MTMR7: variants seen among roughly 807,000 people sequenced by gnomAD.
The protein encoded by MTMR7 is myotubularin related protein 7, also known as phosphatidylinositol-3-phosphate phosphatase MTMR7.
MTMR7 carries 76 observed loss-of-function variants against 81.2 expected under a neutral mutation model. The ratio of observed to expected loss-of-function variants is 0.94; its 90% confidence interval spans 0.78 to 1.13. The LOEUF (loss-of-function observed/expected upper bound fraction) is 1.13, where lower values mean the gene tolerates loss of function less well. Ranked by LOEUF, MTMR7 falls within the 50% of genes most tolerant of loss-of-function variation. The pLI, the probability that MTMR7 is intolerant of heterozygous loss-of-function variation, is 0.00. For missense variants in MTMR7, 1,044 were observed against 820.0 expected, an observed-to-expected ratio of 1.27 and a Z score of -3.34; for synonymous variants, 372 against 289.8, an observed-to-expected ratio of 1.28 and a Z score of -2.88.
rs141754196 is a variant in MTMR7, at chr8:17,394,014, C to T, written c.24+19255G>A. On this transcript the variant is annotated intron_variant, in intron 1 of 13. Transcript: ENST00000180173. ...AACTACCACAAGATACCGCTTCACA[C>T]CCATTAGGATAGCTATAATCAAGAG... Among the ~76,000 whole-genome samples, 28 of 152,302 alleles carry T rather than the reference C, an allele frequency of 1.8e-4. No homozygotes were observed. In the East Asian group the frequency reaches 5.4e-3, roughly 29 times the overall value.
In MTMR7 at chr8:17,313,369, A is replaced by G. The variant is rs1817895274; in HGVS notation, c.898T>C (p.Phe300Leu). The G allele has an allele frequency of 6.2e-7, 1 of 1,612,610 alleles. No homozygotes were observed. The highest frequency in any genetic ancestry group is 1.3e-5 in the African/African-American group (1 of 74,912). ...CELKSPSMSDFLWGLENSGWL... is the reference protein window; with the variant it reads ...CELKSPSMSDLLWGLENSGWL... ...CCAGAGTTCTCCAGACCCCACAGGA[A>G]ATCACTCATGGAGGGAGATTTAAGT... Residue 300 changes from phenylalanine to leucine, a missense_variant, in exon 8 of 14, where the codon TTC becomes CTC. Physicochemically the swap from Phe to Leu is conservative, Grantham distance 22. Coordinates refer to ENST00000180173, the MANE Select transcript of MTMR7 (RefSeq NM_004686.5).
rs76721842 is a variant in MTMR7, at chr8:17,327,853, A to G, written c.865+3297T>C. ...AATTTACATGTTTATCTACATGTTT[A>G]TTTCAACTTACTGTTTACTCTTTTA... On this transcript the variant is annotated intron_variant, in intron 7 of 13. Coordinates refer to ENST00000180173, the MANE Select transcript of MTMR7 (RefSeq NM_004686.5). Among the ~76,000 whole-genome samples, 747 of 152,286 alleles carry G rather than the reference A, an allele frequency of 4.9e-3. 8 individuals are homozygous for G. The highest frequency in any genetic ancestry group is 0.017 in the African/African-American group (699 of 41,550).
chr8:17,336,091 G>C (rs1252411690), intron 6 of MTMR7, among the ~76,000 whole-genome samples: 1 of 152,136 alleles, frequency 6.6e-6, no homozygotes, highest in Non-Finnish European at 1.5e-5. Context: ...TTCCCTCTCT[G>C]GCATAGCGTC....
intron 1 of MTMR7, among the ~76,000 whole-genome samples, chr8:17,405,882 C>G (rs553552145): frequency 7.4e-6 from 1 of 135,948 alleles, no homozygotes; most frequent in Non-Finnish European, 1.6e-5. Flanking sequence ...ACACACACCA[C>G]AGAGAAAATG....
chr8:17,313,513 C>T (rs1338724870), intron 7 of MTMR7, 112 bp from the exon 8 acceptor site: 1 of 644,964 alleles, frequency 1.6e-6, no homozygotes, highest in East Asian at 2.8e-5. Context: ...TAGGTATTTT[C>T]TGGAAGCAAG....
intron 4 of MTMR7, among the ~76,000 whole-genome samples, chr8:17,359,392 A>G (rs1819994295): frequency 1.3e-5 from 2 of 152,060 alleles, no homozygotes; most frequent in African/African-American, 4.8e-5. Context: ...GAGCCCAGGA[A>G]TTCGAGACCA....
chr8:17,374,601 C>A (rs1177968937), intron 1 of MTMR7, among the ~76,000 whole-genome samples: 2 of 151,666 alleles, frequency 1.3e-5, no homozygotes, highest in Non-Finnish European at 2.9e-5. Context: ...AGCCTGGCGA[C>A]AGAGTGAGAC....
intron 6 of MTMR7, among the ~76,000 whole-genome samples, chr8:17,335,009 G>C (rs1819184740): frequency 6.6e-6 from 1 of 152,204 alleles, no homozygotes; most frequent in Non-Finnish European, 1.5e-5. Context: ...AGAAAGCACT[G>C]AGGGTCCACT....
At chr8:17,320,166 TTTTTAC>T in intron 7 of MTMR7, among the ~76,000 whole-genome samples, 1 of 152,056 alleles carries the variant, frequency 6.6e-6, no homozygotes, top group Non-Finnish European at 1.5e-5. Flanking sequence ...TGAGATTTTC[TTTTTAC>T]TTTTAATGTG....
At chr8:17,328,080 G>C (rs1006676187) in intron 7 of MTMR7, among the ~76,000 whole-genome samples, 14 of 152,136 alleles carry the variant, frequency 9.2e-5, no homozygotes, top group African/African-American at 2.9e-4. Context: ...TAACAGTCAC[G>C]TGGAAGGTAG....
intron 2 of MTMR7, among the ~76,000 whole-genome samples, chr8:17,372,442 G>T (rs528332191): frequency 7.2e-5 from 11 of 152,202 alleles, no homozygotes; most frequent in African/African-American, 2.6e-4. Context: ...AAAAAAGTCA[G>T]CCAGGCGTGG....
chr8:17,363,816 G>C (rs919543287), intron 3 of MTMR7, among the ~76,000 whole-genome samples: 1 of 150,738 alleles, frequency 6.6e-6, no homozygotes, highest in Non-Finnish European at 1.5e-5. Context: ...TTACTGAATT[G>C]TTCCCATGTC....
At chr8:17,354,023 G>C (rs150282257) in intron 4 of MTMR7, among the ~76,000 whole-genome samples, 30 of 152,292 alleles carry the variant, frequency 2.0e-4, no homozygotes, top group African/African-American at 7.2e-4. Context: ...GAATCTTCCA[G>C]TAAATATATT....
chr8:17,327,944 A>C (rs1366919032), intron 7 of MTMR7, among the ~76,000 whole-genome samples: 1 of 152,244 alleles, frequency 6.6e-6, no homozygotes, highest in Non-Finnish European at 1.5e-5. Context: ...TTGTTGTGAA[A>C]ATCTCATACA....
chr8:17,356,832 C>A (rs1433054378), intron 4 of MTMR7, among the ~76,000 whole-genome samples: 1 of 152,180 alleles, frequency 6.6e-6, no homozygotes, highest in Non-Finnish European at 1.5e-5. Context: ...GCGAATATCA[C>A]ATCAATACCA....
chr8:17,394,415 T>C (rs952273732), intron 1 of MTMR7, among the ~76,000 whole-genome samples: 8 of 152,008 alleles, frequency 5.3e-5, no homozygotes, highest in Non-Finnish European at 1.2e-4. Context: ...ACCTTGAAAA[T>C]CTTAAGTTAC....
chr8:17,301,374 T>C (rs540042082), intron 13 of MTMR7, among the ~76,000 whole-genome samples: 21 of 152,290 alleles, frequency 1.4e-4, no homozygotes, highest in African/African-American at 4.6e-4. Context: ...GATTTAAACT[T>C]GGACATTCTG....
chr8:17,371,422 A>C (rs1469302495), intron 2 of MTMR7, among the ~76,000 whole-genome samples: 5 of 152,242 alleles, frequency 3.3e-5, no homozygotes, highest in African/African-American at 1.2e-4. Flanking sequence ...GATATCCAGG[A>C]CAGTTATTTT....
chr8:17,314,840 C>T (rs1345802242), intron 7 of MTMR7, among the ~76,000 whole-genome samples: 1 of 152,236 alleles, frequency 6.6e-6, no homozygotes, highest in African/African-American at 2.4e-5. Flanking sequence ...TGAATTCGCT[C>T]TGGTTCAGAG....
Sources: allele counts gnomAD v4.1 joint callset (sites outside exome capture counted in the v4.1 genomes callset), GRCh38; gene constraint gnomAD v4.1.1; transcripts MANE v1.5; gene names NCBI Gene and HGNC (gene_info 2026-07-23, HGNC 2026-07-21).